DMD: variants seen among roughly 807,000 people sequenced by gnomAD.
DMD encodes the protein mutant dystrophin.
In DMD, 63 loss-of-function variants were observed where a neutral mutation model predicts 330.1. The observed-to-expected ratio is 0.19, with a 90% CI of 0.16 to 0.24. The LOEUF (loss-of-function observed/expected upper bound fraction) is 0.24. Among genes scored for constraint, DMD ranks in the 10% least tolerant of loss-of-function variants. The pLI, the probability that DMD is intolerant of heterozygous loss-of-function variation, is 1.00. For missense variants in DMD, 3,344 were observed against 2,684.1 expected, an observed-to-expected ratio of 1.25 and a Z score of -5.43; for synonymous variants, 1,223 against 959.8, an observed-to-expected ratio of 1.27 and a Z score of -5.07.
rs144429320 is a variant in DMD at position 32,028,083 on chromosome X, G to A, written c.6439-59569C>T. Among the ~76,000 whole-genome samples, 586 of 112,048 alleles carry A rather than the reference G, an allele frequency of 5.2e-3. 3 individuals are homozygous for A. Among genetic ancestry groups the A allele is most frequent in the African/African-American group, 0.018 (560 of 30,898 alleles). On this transcript the variant is annotated intron_variant, in intron 44 of 78. Transcript: ENST00000357033. ...GACTGCTGAATCAATGCAGGTAGAA[G>A]GTGCAGGCTACCCAGGTAAAGAAAT...
intron 48 of DMD, among the ~76,000 whole-genome samples, chrX:31,854,116 C>T (rs773284042): frequency 1.8e-5 from 2 of 112,328 alleles, no homozygotes; most frequent in East Asian, 5.6e-4. Flanking sequence ...AGTGCCTTTG[C>T]TACTGAATGT....
chrX:32,171,987 A>T (rs760369415), intron 44 of DMD, among the ~76,000 whole-genome samples: 1 of 112,101 alleles, frequency 8.9e-6, no homozygotes, highest in South Asian at 3.7e-4. Context: ...GATAAAGGAC[A>T]ACTTAATAAA....
At chrX:32,400,531 T>G (rs1307110325) in intron 30 of DMD, among the ~76,000 whole-genome samples, 1 of 111,348 alleles carries the variant, frequency 9.0e-6, no homozygotes, top group Non-Finnish European at 1.9e-5. Flanking sequence ...TCAGAAGGAA[T>G]GGTATCAGTT....
At chrX:31,760,912 T>C (rs1266614486) in intron 51 of DMD, among the ~76,000 whole-genome samples, 5 of 110,406 alleles carry the variant, frequency 4.5e-5, no homozygotes, top group Middle Eastern at 4.6e-3. Flanking sequence ...GTAGGACTTA[T>C]TCATCTCATA....
At chrX:31,669,724 T>A (rs2081636632) in intron 53 of DMD, among the ~76,000 whole-genome samples, 1 of 111,122 alleles carries the variant, frequency 9.0e-6, no homozygotes, top group Non-Finnish European at 1.9e-5. Flanking sequence ...AGCTTTGTAG[T>A]AGTTTTTGAA....
intron 2 of DMD, among the ~76,000 whole-genome samples, chrX:32,879,032 C>CACACAAA: frequency 1.1e-5 from 1 of 92,935 alleles, no homozygotes; most frequent in Non-Finnish European, 2.2e-5. Flanking sequence ...AAACAAAAAA[C>CACACAAA]AAACAAAAAA....
At chrX:32,665,093 G>T (rs994917059) in intron 9 of DMD, among the ~76,000 whole-genome samples, 6 of 112,181 alleles carry the variant, frequency 5.3e-5, no homozygotes, top group Non-Finnish European at 1.1e-4. Flanking sequence ...CTCACATTGT[G>T]GCTAGCATAC....
intron 44 of DMD, among the ~76,000 whole-genome samples, chrX:32,144,858 C>A (rs1374762561): frequency 9.0e-6 from 1 of 110,650 alleles, no homozygotes; most frequent in Non-Finnish European, 1.9e-5. Context: ...CATGGTGAAC[C>A]CCTGTCTCTA....
At position 33,211,281 on chromosome X, in the gene DMD, C is replaced by A. The variant is rs398123923; in HGVS notation, c.31+1G>T. On this transcript the variant is annotated splice_donor_variant, in intron 1 of 78. Coordinates refer to ENST00000357033, the MANE Select transcript of DMD (RefSeq NM_004006.3). LOFTEE classifies it high-confidence loss of function. ...TATATTTTTAGTTACTTTGTACTTA[C>A]AACAGTCCTCTACTTCTTCCCACCA... The A allele has an allele frequency of 8.3e-7, 1 of 1,208,867 alleles. No homozygotes were observed. The highest frequency in any genetic ancestry group is 1.1e-6 in the Non-Finnish European group (1 of 893,951).
intron 28 of DMD, among the ~76,000 whole-genome samples, chrX:32,440,814 G>A (rs897472078): frequency 2.7e-5 from 3 of 111,474 alleles, no homozygotes; most frequent in Non-Finnish European, 5.7e-5. Context: ...AATACGTGCA[G>A]CTTTTAAACT....
At chrX:32,931,808 T>C (rs2089619515) in intron 2 of DMD, among the ~76,000 whole-genome samples, 1 of 111,700 alleles carries the variant, frequency 9.0e-6, no homozygotes, top group Admixed American at 9.5e-5. Flanking sequence ...CATATCAACT[T>C]ATATTTCATC....
At chrX:31,642,903 G>T (rs1385836256) in intron 54 of DMD, among the ~76,000 whole-genome samples, 1 of 111,966 alleles carries the variant, frequency 8.9e-6, no homozygotes, top group South Asian at 3.7e-4. Flanking sequence ...TCAGACAATC[G>T]TTCTTCCGAT....
chrX:32,201,472 C>G (rs6631513), intron 44 of DMD, among the ~76,000 whole-genome samples: 3 of 70,209 alleles, frequency 4.3e-5, no homozygotes, highest in South Asian at 7.7e-4. Context: ...TTCAAACACC[C>G]CCCCCCCCCC....
chrX:31,389,708 G>A (rs746089308), intron 60 of DMD, among the ~76,000 whole-genome samples: 3 of 112,001 alleles, frequency 2.7e-5, no homozygotes, highest in Non-Finnish European at 3.8e-5. Flanking sequence ...TTATATACAT[G>A]AAACCTGATC....
At chrX:31,743,530 A>T (rs948371563) in intron 51 of DMD, among the ~76,000 whole-genome samples, 14 of 112,166 alleles carry the variant, frequency 1.2e-4, no homozygotes, top group African/African-American at 3.9e-4. Flanking sequence ...AAAGAACAAA[A>T]TCATGTCCTT....
intron 67 of DMD, among the ~76,000 whole-genome samples, chrX:31,201,835 C>G (rs1397655721): frequency 8.9e-6 from 1 of 112,328 alleles, no homozygotes; most frequent in Non-Finnish European, 1.9e-5. Flanking sequence ...AATGCACACA[C>G]ATATGTTTAT....
chrX:31,990,111 T>C lies in DMD; in HGVS notation c.6439-21597A>G, dbSNP rs760452050. ...CATTGTTCTGTCATTAGAAGACATG[T>C]ACAAAAATAGTTTTTGATAAACTAG... On this transcript the variant is annotated intron_variant, in intron 44 of 78. Coordinates refer to ENST00000357033, the MANE Select transcript of DMD (RefSeq NM_004006.3). Among the ~76,000 whole-genome samples the C allele has an allele frequency of 3.5e-5, 4 of 112,840 alleles. No individual in the cohort carries two copies. The South Asian group carries it at 1.4e-3, about 41-fold the overall frequency.
chrX:32,320,292 GT>G (rs1467341989), intron 41 of DMD, among the ~76,000 whole-genome samples: 1 of 111,439 alleles, frequency 9.0e-6, no homozygotes, highest in African/African-American at 3.3e-5. Context: ...TCATAATTAT[GT>G]TTTTCAAGGA....
rs1427468339 is a variant in DMD, at chrX:33,032,550, G to A, written c.32-12350C>T. The stretch of plus-strand genomic sequence containing the variant: ...TAAATTTAAAATAAGCTGAAGAATG[G>A]GTTTTAAATGAAGTATTAAAAGCTT... On this transcript the variant is annotated intron_variant, in intron 1 of 78. Transcript: ENST00000357033. Among the ~76,000 whole-genome samples, 3 of 111,450 alleles carry A rather than the reference G, an allele frequency of 2.7e-5. No individual in the cohort carries two copies. In the Admixed American group the frequency reaches 2.9e-4, roughly 11 times the overall value.
Sources: allele counts gnomAD v4.1 joint callset (sites outside exome capture counted in the v4.1 genomes callset), GRCh38; gene constraint gnomAD v4.1.1; transcripts MANE v1.5; gene names NCBI Gene and HGNC (gene_info 2026-07-23, HGNC 2026-07-21).